TXLNB: variants seen among roughly 807,000 people sequenced by gnomAD.
TXLNB encodes the protein beta-taxilin.
TXLNB carries 37 observed loss-of-function variants against 57.4 expected under a neutral mutation model. That is an observed-to-expected ratio of 0.64 (90% CI 0.50 to 0.85). The LOEUF is 0.85. Ranked by LOEUF, TXLNB falls within the 40% of genes least tolerant of loss-of-function variation. The pLI is 0.00. For missense variants in TXLNB, 848 were observed against 825.6 expected, an observed-to-expected ratio of 1.03 and a Z score of -0.33; for synonymous variants, 302 against 309.6, an observed-to-expected ratio of 0.98 and a Z score of 0.26.
At chr6:139,167,931 C>T in the TXLNB span, among the ~76,000 whole-genome samples, 15 of 152,196 alleles carry the variant, frequency 9.9e-5, no homozygotes, top group Admixed American at 5.2e-4. Context: ...TTGAATGACA[C>T]GAGGTTGGTT....
chr6:139,315,673 T>C, the TXLNB span, among the ~76,000 whole-genome samples: 3 of 152,212 alleles, frequency 2.0e-5, no homozygotes, highest in East Asian at 1.9e-4. Flanking sequence ...AAGTAGAATA[T>C]ATTATAAAAA....
rs1236358076 is a variant in TXLNB, at chr6:139,275,005, A to G, written c.516+1825T>C. Among the ~76,000 whole-genome samples the G allele has an allele frequency of 3.3e-5, 5 of 152,208 alleles. 1 individual carries two copies. Among genetic ancestry groups the G allele is most frequent in the African/African-American group, 9.6e-5 (4 of 41,460 alleles). On this transcript the variant is annotated intron_variant, in intron 3 of 9. Transcript: ENST00000358430. ...TGAAATTGTTAATAGCCAATGCAAT[A>G]CAAGTTGCAAGAAAATTGATACACT...
the TXLNB span, among the ~76,000 whole-genome samples, chr6:139,192,979 A>C: frequency 0.54 from 80,678 of 148,996 alleles, 22,472 homozygotes; most frequent in Non-Finnish European, 0.58. Flanking sequence ...AAAAAACAAA[A>C]AAAAAAAACA....
At chr6:139,289,329 AC>A (rs34106448) in intron 1 of TXLNB, among the ~76,000 whole-genome samples, 5 of 141,360 alleles carry the variant, frequency 3.5e-5, no homozygotes, top group South Asian at 2.4e-4. Context: ...CCAGTCACGT[AC>A]CCCCTGCTTG....
chr6:139,283,571 C>T (rs555860886), intron 2 of TXLNB, among the ~76,000 whole-genome samples: 6 of 126,268 alleles, frequency 4.8e-5, no homozygotes, highest in Admixed American at 7.6e-5. Flanking sequence ...AGCGAAACTC[C>T]GTCTCAAAAA....
chr6:139,200,506 T>C, the TXLNB span, among the ~76,000 whole-genome samples: 1 of 151,998 alleles, frequency 6.6e-6, no homozygotes, highest in African/African-American at 2.4e-5. Flanking sequence ...ACAATGAAGA[T>C]TTAGGTATTT....
chr6:139,227,373 A>T, the TXLNB span, among the ~76,000 whole-genome samples: 1 of 152,092 alleles, frequency 6.6e-6, no homozygotes, highest in African/African-American at 2.4e-5. Context: ...AAAAAACGAC[A>T]GTGAGATATT....
chr6:139,243,207 GA>G lies in TXLNB; in HGVS notation c.1373del (p.Ile458ThrfsTer43). 1 of 1,614,124 alleles carries G rather than the reference GA, an allele frequency of 6.2e-7. No individual in the cohort carries two copies. The highest frequency in any genetic ancestry group is 8.5e-7 in the Non-Finnish European group (1 of 1,180,044). On this transcript the variant is annotated frameshift_variant, in exon 10 of 10. Coordinates refer to ENST00000358430, the MANE Select transcript of TXLNB (RefSeq NM_153235.4). LOFTEE classifies it low-confidence loss of function (END_TRUNC). ...QEERNELHKK[I>X]RDAEISEKDD... ...CCTTTTCAGATATTTCTGCGTCTCT[GA>G]TTTTTTTGTGGAGTTCGTTTCTCTC... is the stretch of plus-strand genomic sequence containing the variant.
the TXLNB span, chr6:139,199,954 G>A: frequency 6.6e-6 from 1 of 152,192 alleles, no homozygotes; most frequent in African/African-American, 2.4e-5. Context: ...ATGACAGGAA[G>A]CAAAATCATA....
chr6:139,323,848 T>C, the TXLNB span, among the ~76,000 whole-genome samples: 1 of 152,158 alleles, frequency 6.6e-6, no homozygotes, highest in East Asian at 1.9e-4. Context: ...CGGCCCCTGT[T>C]TCTCAAAATT....
intron 6 of TXLNB, among the ~76,000 whole-genome samples, chr6:139,257,724 TA>T (rs149392173): frequency 1.3e-5 from 2 of 151,846 alleles, no homozygotes; most frequent in Non-Finnish European, 2.9e-5. Context: ...ATCCCTATTG[TA>T]AAAAAAAGTC....
the TXLNB span, among the ~76,000 whole-genome samples, chr6:139,176,106 G>A: frequency 1.7e-4 from 26 of 152,194 alleles, no homozygotes; most frequent in Non-Finnish European, 2.8e-4. This position sits in a 1 kb window ranked among gnomAD's most constrained non-coding sequence, Gnocchi z 4.5. Flanking sequence ...GAGAGATTAC[G>A]TAGTTAAAAG....
the TXLNB span, among the ~76,000 whole-genome samples, chr6:139,213,340 A>G: frequency 6.6e-6 from 1 of 152,338 alleles, no homozygotes; most frequent in East Asian, 1.9e-4. Context: ...AAACCGCTCA[A>G]CTACATGGAA....
At chr6:139,221,472 T>C in the TXLNB span, among the ~76,000 whole-genome samples, 1 of 152,308 alleles carries the variant, frequency 6.6e-6, no homozygotes, top group South Asian at 2.1e-4. Flanking sequence ...ATCTCCATTT[T>C]TCTTTCTTTC....
chr6:139,313,261 A>C, the TXLNB span, among the ~76,000 whole-genome samples: 2 of 152,016 alleles, frequency 1.3e-5, no homozygotes, highest in Non-Finnish European at 2.9e-5. Flanking sequence ...TTTAGTAAAG[A>C]CAAGGTTTCA....
At chr6:139,309,386 A>G in the TXLNB span, among the ~76,000 whole-genome samples, 37 of 152,334 alleles carry the variant, frequency 2.4e-4, no homozygotes, top group Middle Eastern at 3.4e-3. Flanking sequence ...TAAACAGTAG[A>G]TCTTGCGTAC....
the TXLNB span, among the ~76,000 whole-genome samples, chr6:139,217,219 C>T: frequency 6.6e-6 from 1 of 152,074 alleles, no homozygotes; most frequent in South Asian, 2.1e-4. Flanking sequence ...TGACAGCAGC[C>T]TTGCGCTTAC....
At chr6:139,258,181 C>A (rs562384442) in intron 6 of TXLNB, among the ~76,000 whole-genome samples, 1 of 152,102 alleles carries the variant, frequency 6.6e-6, no homozygotes, top group African/African-American at 2.4e-5. Flanking sequence ...TGGCTAGCTT[C>A]GAAGAAGTGA....
chr6:139,259,103 C>A (rs1345832563), intron 6 of TXLNB, among the ~76,000 whole-genome samples: 1 of 152,140 alleles, frequency 6.6e-6, no homozygotes, highest in Non-Finnish European at 1.5e-5. Flanking sequence ...TCCATCTCCA[C>A]CCCTCTTCTC....
Sources: gnomAD v4.1 joint callset for allele counts (sites outside exome capture counted in the v4.1 genomes callset) on GRCh38, gnomAD v4.1.1 for gene constraint, Gnocchi (gnomAD v3.1) non-coding constraint, MANE v1.5 for transcripts, NCBI Gene and HGNC (gene_info 2026-07-23, HGNC 2026-07-21) for gene names.